The following FMN2 variants were observed in gnomAD, a reference collection of about 807,000 sequenced individuals.
FMN2 encodes formin 2, also known as formin-2.
In FMN2, 51 loss-of-function variants were observed where a neutral mutation model predicts 142.3. The observed-to-expected ratio is 0.36, with a 90% CI of 0.29 to 0.45. FMN2 has a LOEUF of 0.45. Among genes scored for constraint, FMN2 ranks in the 20% least tolerant of loss-of-function variants. The pLI is 1.00. For missense variants in FMN2, 1,936 were observed against 2,122.8 expected, an observed-to-expected ratio of 0.91 and a Z score of 1.73; for synonymous variants, 882 against 869.8, an observed-to-expected ratio of 1.01 and a Z score of -0.25.
Position 240,123,806 on chromosome 1 carries a change from A to G in FMN2, c.1782+461A>G, listed in dbSNP as rs147322965. Among the ~76,000 whole-genome samples, 585 of 152,276 alleles carry G rather than the reference A, an allele frequency of 3.8e-3. 1 individual carries two copies. Among genetic ancestry groups the G allele is most frequent in the Middle Eastern group, 0.014 (4 of 294 alleles). The stretch of plus-strand genomic sequence containing the variant: ...ATCATCCAAAATAAACCCTGTACCC[A>G]TTAAACAATAACTCCCCATCCTCCT... On this transcript the variant is annotated intron_variant, in intron 2 of 17. Coordinates refer to ENST00000319653, the MANE Select transcript of FMN2 (RefSeq NM_020066.5).
intron 13 of FMN2, among the ~76,000 whole-genome samples, chr1:240,336,863 A>G (rs1572207017): frequency 6.6e-6 from 1 of 152,274 alleles, no homozygotes; most frequent in East Asian, 1.9e-4. Flanking sequence ...AAAAACTGAC[A>G]AATCATAATT....
intron 2 of FMN2, among the ~76,000 whole-genome samples, chr1:240,137,858 A>G (rs944675883): frequency 9.2e-5 from 14 of 152,090 alleles, no homozygotes; most frequent in African/African-American, 3.4e-4. Context: ...TTGGGAGGCC[A>G]AGGGGCAGAT....
At chr1:240,404,341 C>T (rs1267755805) in intron 15 of FMN2, among the ~76,000 whole-genome samples, 3 of 152,208 alleles carry the variant, frequency 2.0e-5, no homozygotes, top group South Asian at 2.1e-4. Context: ...CAGAATCTTT[C>T]TGAGTAACTA....
chr1:240,425,554 G>T (rs1488365222), intron 15 of FMN2, among the ~76,000 whole-genome samples: 1 of 152,062 alleles, frequency 6.6e-6, no homozygotes, highest in Non-Finnish European at 1.5e-5. Flanking sequence ...GCTCTCTTAG[G>T]TTGTTTAGAT....
chr1:240,255,896 G>A (rs963451088), intron 6 of FMN2, among the ~76,000 whole-genome samples: 1 of 152,082 alleles, frequency 6.6e-6, no homozygotes, highest in Non-Finnish European at 1.5e-5. Context: ...GTTATAATGC[G>A]ACGAAAATAA....
In FMN2 at chr1:240,310,322, G is replaced by T. The variant is rs190355643; in HGVS notation, c.4215+15439G>T. Among the ~76,000 whole-genome samples, 290 of 152,222 alleles carry T rather than the reference G, an allele frequency of 1.9e-3. 3 individuals are homozygous for T. The highest frequency in any genetic ancestry group is 6.5e-3 in the African/African-American group (268 of 41,550). On this transcript the variant is annotated intron_variant, in intron 8 of 17. Transcript: ENST00000319653. ...GGTCTGTTTTAAAGTAATTCTATTT[G>T]ATCTCTGTGAAACAGATGGAAGTAT... is the stretch of plus-strand genomic sequence containing the variant.
At chr1:240,362,577 ATAT>A (rs1425650155) in intron 14 of FMN2, among the ~76,000 whole-genome samples, 1 of 152,182 alleles carries the variant, frequency 6.6e-6, no homozygotes, top group Non-Finnish European at 1.5e-5. Context: ...CACAAAAAAC[ATAT>A]TATCGCTGAA....
intron 15 of FMN2, among the ~76,000 whole-genome samples, chr1:240,433,846 A>G (rs1447335241): frequency 6.6e-6 from 1 of 151,956 alleles, no homozygotes; most frequent in Non-Finnish European, 1.5e-5. Flanking sequence ...TGTAATTTTG[A>G]GTTTCGTTGG....
chr1:240,241,938 CG>C (rs201603385), intron 6 of FMN2, among the ~76,000 whole-genome samples: 2,585 of 151,078 alleles, frequency 0.017, 78 homozygotes, highest in African/African-American at 0.061. Context: ...CTCCGCCTCC[CG>C]GGTTCACGCC....
chr1:240,221,136 G>C (rs1323512588), intron 6 of FMN2, among the ~76,000 whole-genome samples: 1 of 152,140 alleles, frequency 6.6e-6, no homozygotes, highest in Non-Finnish European at 1.5e-5. Context: ...ATTTTGGGTG[G>C]TTCCAAGTCT....
intron 2 of FMN2, among the ~76,000 whole-genome samples, chr1:240,147,916 C>A (rs938688188): frequency 1.3e-5 from 2 of 152,118 alleles, no homozygotes; most frequent in South Asian, 2.1e-4. Context: ...TTTTGATAAG[C>A]CAGATTCGGG....
At chr1:240,174,399 G>A (rs919417696) in intron 2 of FMN2, among the ~76,000 whole-genome samples, 1 of 152,146 alleles carries the variant, frequency 6.6e-6, no homozygotes, top group African/African-American at 2.4e-5. Flanking sequence ...CTGTTGTCCA[G>A]GCTAGAGTGC....
chr1:240,445,842 T>C (rs1269903088), intron 16 of FMN2, among the ~76,000 whole-genome samples: 2 of 152,006 alleles, frequency 1.3e-5, no homozygotes, highest in Non-Finnish European at 2.9e-5. Flanking sequence ...AGTGACCTAA[T>C]TGAGAGCTAG....
intron 13 of FMN2, 43 bp from the exon 14 acceptor site, chr1:240,355,773 A>T: frequency 7.0e-7 from 1 of 1,435,652 alleles, no homozygotes; most frequent in South Asian, 1.2e-5. Context: ...TTAATGCTCC[A>T]CTAACAGTGT....
intron 14 of FMN2, among the ~76,000 whole-genome samples, chr1:240,362,212 G>C (rs1200683866): frequency 6.6e-6 from 1 of 152,162 alleles, no homozygotes; most frequent in Non-Finnish European, 1.5e-5. Context: ...TCTTGAATCA[G>C]AGTTACTATA....
At chr1:240,310,876 T>C (rs1040738464) in intron 8 of FMN2, among the ~76,000 whole-genome samples, 4 of 152,162 alleles carry the variant, frequency 2.6e-5, no homozygotes, top group African/African-American at 7.2e-5. Flanking sequence ...TAACTATCAG[T>C]TGCATTGTGT....
chr1:240,379,573 A>G (rs928756976), intron 14 of FMN2, among the ~76,000 whole-genome samples: 1 of 152,118 alleles, frequency 6.6e-6, no homozygotes, highest in African/African-American at 2.4e-5. Flanking sequence ...TCTAGCATCT[A>G]TGATTTTAAA....
At chr1:240,299,273 A>T (rs1372614847) in intron 8 of FMN2, among the ~76,000 whole-genome samples, 1 of 152,188 alleles carries the variant, frequency 6.6e-6, no homozygotes, top group African/African-American at 2.4e-5. Flanking sequence ...CATATTGAAC[A>T]ATATGGTTTG....
At chr1:240,449,341 C>T (rs1675928041) in intron 16 of FMN2, among the ~76,000 whole-genome samples, 1 of 152,132 alleles carries the variant, frequency 6.6e-6, no homozygotes, top group Admixed American at 6.5e-5. Flanking sequence ...ACTCCATGGC[C>T]TTCTGACCAA....
Sources: gnomAD v4.1 joint callset for allele counts (sites outside exome capture counted in the v4.1 genomes callset) on GRCh38, gnomAD v4.1.1 for gene constraint, MANE v1.5 for transcripts, NCBI Gene and HGNC (gene_info 2026-07-23, HGNC 2026-07-21) for gene names.